Variants in MTMR2 observed in about 807,000 individuals in gnomAD.
MTMR2 encodes myotubularin related protein 2.
MTMR2 carries 55 observed loss-of-function variants against 86.9 expected under a neutral mutation model. The observed-to-expected ratio is 0.63, with a 90% confidence interval of 0.51 to 0.79. The LOEUF is 0.79. Among genes scored for constraint, MTMR2 ranks in the 30% least tolerant of loss-of-function variants. The pLI is 0.00. For missense variants in MTMR2, 659 were observed against 772.3 expected (o/e 0.85, Z 1.74); for synonymous variants, 241 against 266.8 (o/e 0.90, Z 0.94).
intron 2 of MTMR2, among the ~76,000 whole-genome samples, chr11:95,874,991 G>A (rs921369829): frequency 2.0e-4 from 30 of 152,034 alleles, no homozygotes; most frequent in Non-Finnish European, 2.8e-4. Flanking sequence ...GCTTCCCTTT[G>A]TGGATAACCT....
chr11:95,919,159 G>T (rs1317341365), intron 1 of MTMR2, among the ~76,000 whole-genome samples: 1 of 152,152 alleles, frequency 6.6e-6, no homozygotes, highest in African/African-American at 2.4e-5. Flanking sequence ...ACTCTTAAGT[G>T]ACCTTGAGGC....
intron 1 of MTMR2, 189 bp downstream of exon 1, chr11:95,923,686 T>C: frequency 7.0e-7 from 1 of 1,429,660 alleles, no homozygotes; most frequent in African/African-American, 1.4e-5. Flanking sequence ...AGCAGCGAGT[T>C]TTAACCTCCT....
intron 2 of MTMR2, among the ~76,000 whole-genome samples, chr11:95,878,394 C>A (rs1272250522): frequency 6.6e-6 from 1 of 151,742 alleles, no homozygotes; most frequent in Admixed American, 6.6e-5. Context: ...TCGTCAAAAC[C>A]CGCAGAATGT....
chr11:95,899,523 A>G (rs1865995174), intron 1 of MTMR2, among the ~76,000 whole-genome samples: 1 of 152,118 alleles, frequency 6.6e-6, no homozygotes, highest in African/African-American at 2.4e-5. Context: ...CTATGAAGAT[A>G]TAAGTGTGAT....
chr11:95,877,987 T>G (rs1352060529), intron 2 of MTMR2, among the ~76,000 whole-genome samples: 1 of 151,630 alleles, frequency 6.6e-6, no homozygotes. Flanking sequence ...CAATAAAAAC[T>G]TCCAGATTTT....
rs1210193092 is a variant in MTMR2 at position 95,861,984 on chromosome 11, A to G, written c.468+8T>C. The G allele has an allele frequency of 6.4e-7, 1 of 1,566,532 alleles. No individual in the cohort carries two copies. The highest frequency in any genetic ancestry group is 2.2e-5 in the East Asian group (1 of 44,624). On this transcript the variant is annotated splice_region_variant and intron_variant, in intron 5 of 14. Transcript: ENST00000346299. Reference sequence around the variant, plus strand: ...CAAAGAAAATCACATACATATTATAACATTTACCTTACACACAGTTTCTAG... The same window carrying G: ...CAAAGAAAATCACATACATATTATAGCATTTACCTTACACACAGTTTCTAG...
In MTMR2 at chr11:95,907,797, T is replaced by A. The variant is rs1349660177; in HGVS notation, c.80+16078A>T. 3 of 368,076 alleles carry A rather than the reference T, an allele frequency of 8.2e-6. No homozygotes were observed. In the East Asian group the frequency reaches 2.4e-4, roughly 29 times the overall value. The allele number at this position is 368,076 out of a possible 1,614,324, so 22.8% of individuals were successfully genotyped here. ...ATCTCGACAGATGCAGAAAAGGCTT[T>A]TGATAAAATTCAATAACGCTTCATG... On this transcript the variant is annotated intron_variant, in intron 1 of 14. Transcript: ENST00000346299.
At chr11:95,873,978 CTT>C (rs958501266) in intron 2 of MTMR2, among the ~76,000 whole-genome samples, 21 of 151,924 alleles carry the variant, frequency 1.4e-4, no homozygotes, top group East Asian at 1.2e-3. Context: ...TATAATTTCT[CTT>C]GTTTTACATT....
intron 5 of MTMR2, among the ~76,000 whole-genome samples, chr11:95,859,431 C>G (rs1389554200): frequency 1.3e-5 from 2 of 152,186 alleles, no homozygotes; most frequent in East Asian, 3.8e-4. Context: ...TTTCAAGGGC[C>G]AGGCACAGTG....
chr11:95,867,642 G>A (rs911336795), intron 2 of MTMR2, among the ~76,000 whole-genome samples: 1 of 152,102 alleles, frequency 6.6e-6, no homozygotes, highest in African/African-American at 2.4e-5. Flanking sequence ...GCTAAAGGTT[G>A]TATATAAACA....
chr11:95,836,380 A>G (rs1863286560), intron 13 of MTMR2, 56 bp from the exon 14 acceptor site: 2 of 1,498,126 alleles, frequency 1.3e-6, no homozygotes, highest in Non-Finnish European at 1.8e-6. Flanking sequence ...TTTACACTTT[A>G]GATGAAATTT....
intron 2 of MTMR2, among the ~76,000 whole-genome samples, chr11:95,867,071 A>C (rs192240711): frequency 6.6e-6 from 1 of 152,304 alleles, no homozygotes; most frequent in East Asian, 1.9e-4. Flanking sequence ...GAATCTGCTA[A>C]TAATTCTACT....
chr11:95,906,923 A>C (rs1156888355), intron 1 of MTMR2, among the ~76,000 whole-genome samples: 1 of 152,148 alleles, frequency 6.6e-6, no homozygotes, highest in Non-Finnish European at 1.5e-5. Context: ...AATGAGAAGG[A>C]ACTCAAATTG....
At chr11:95,887,527 C>T (rs1178105562) in intron 2 of MTMR2, 1 of 157,326 alleles carries the variant, frequency 6.4e-6, no homozygotes, top group Non-Finnish European at 1.4e-5. Context: ...TAGATAAATC[C>T]AGAAATGTAC....
At chr11:95,884,491 G>GT (rs1865447321) in intron 2 of MTMR2, among the ~76,000 whole-genome samples, 1 of 152,092 alleles carries the variant, frequency 6.6e-6, no homozygotes, top group South Asian at 2.1e-4. Flanking sequence ...CAAAATAAGG[G>GT]TAACAGCCAA....
intron 2 of MTMR2, among the ~76,000 whole-genome samples, chr11:95,873,562 T>C (rs1864978407): frequency 6.6e-6 from 1 of 152,210 alleles, no homozygotes; most frequent in Non-Finnish European, 1.5e-5. Flanking sequence ...CTGGATTCAC[T>C]GATTTTTTGA....
At chr11:95,848,795 G>T (rs1051899956) in intron 9 of MTMR2, among the ~76,000 whole-genome samples, 8 of 152,138 alleles carry the variant, frequency 5.3e-5, no homozygotes, top group African/African-American at 1.9e-4. Context: ...TTCTGACACT[G>T]AGAGTCTGGG....
intron 2 of MTMR2, among the ~76,000 whole-genome samples, chr11:95,877,186 C>G (rs950563679): frequency 2.6e-5 from 4 of 152,136 alleles, no homozygotes; most frequent in African/African-American, 9.7e-5. Flanking sequence ...TCTATTTTCT[C>G]TACAACTTGA....
At chr11:95,864,019 G>A (rs1864517178) in intron 3 of MTMR2, among the ~76,000 whole-genome samples, 1 of 152,144 alleles carries the variant, frequency 6.6e-6, no homozygotes, top group South Asian at 2.1e-4. Context: ...TGGACAGCTG[G>A]TATTGATGTC....
Sources: gnomAD v4.1 joint callset for allele counts (sites outside exome capture counted in the v4.1 genomes callset) on GRCh38, gnomAD v4.1.1 for gene constraint, MANE v1.5 for transcripts, NCBI Gene and HGNC (gene_info 2026-07-23, HGNC 2026-07-21) for gene names.